Variants in MNAT1 observed in about 807,000 individuals in gnomAD.
MNAT1 encodes the protein CDK-activating kinase assembly factor MAT1.
A neutral mutation model predicts 42.0 loss-of-function variants in MNAT1; 43 were observed. That is an observed-to-expected ratio of 1.02 (90% CI 0.80 to 1.32). The LOEUF is 1.32. MNAT1 is among the 40% of genes most tolerant of loss of function. The probability of loss-of-function intolerance (pLI) is 0.00; values close to 1 mark genes in which losing one functional copy is unlikely to be tolerated. For missense variants in MNAT1, 306 were observed against 350.4 expected, an observed-to-expected ratio of 0.87 and a Z score of 1.01; for synonymous variants, 118 against 120.0, an observed-to-expected ratio of 0.98 and a Z score of 0.11.
In MNAT1 at chr14:60,747,993, G is replaced by A. The variant is rs556128342; in HGVS notation, c.89+13042G>A. ...CGGCGGATCATGAGGTCAGGAGATC[G>A]AGACCATCCTGGCTAACACAGTGAA... On this transcript the variant is annotated intron_variant, in intron 1 of 7. Coordinates refer to ENST00000261245, the MANE Select transcript of MNAT1 (RefSeq NM_002431.4). Among the ~76,000 whole-genome samples, 10 of 152,104 alleles carry A rather than the reference G, an allele frequency of 6.6e-5. No homozygotes were observed. The South Asian group carries it at 2.1e-3, about 32-fold the overall frequency.
chr14:60,825,529 C>T (rs2033030439), intron 6 of MNAT1, among the ~76,000 whole-genome samples: 1 of 152,148 alleles, frequency 6.6e-6, no homozygotes, highest in Admixed American at 6.5e-5. Context: ...AGAATACAGA[C>T]ATTACTTAAG....
chr14:60,953,302 T>C (rs992130100), intron 7 of MNAT1, among the ~76,000 whole-genome samples: 1 of 152,200 alleles, frequency 6.6e-6, no homozygotes, highest in African/African-American at 2.4e-5. Context: ...CTTGGGTTAC[T>C]CTATTACCCT....
intron 1 of MNAT1, among the ~76,000 whole-genome samples, chr14:60,767,712 TG>T (rs2030886162): frequency 6.6e-6 from 1 of 152,188 alleles, no homozygotes; most frequent in African/African-American, 2.4e-5. Context: ...GTGATTCTTC[TG>T]CCTCAGCCTC....
intron 4 of MNAT1, among the ~76,000 whole-genome samples, chr14:60,811,298 CTTTTTTTTTT>C (rs569520885): frequency 2.5e-5 from 2 of 80,322 alleles, no homozygotes; most frequent in South Asian, 8.9e-4. Flanking sequence ...TCTATTCTTT[CTTTTTTTTTT>C]TTTTTTTTTT....
At chr14:60,893,322 A>G (rs1048780898) in intron 7 of MNAT1, among the ~76,000 whole-genome samples, 2 of 151,896 alleles carry the variant, frequency 1.3e-5, no homozygotes, top group African/African-American at 4.8e-5. Context: ...TAAATTCCCT[A>G]CCTGTTCATA....
At chr14:60,825,226 C>G (rs1475358775) in intron 6 of MNAT1, among the ~76,000 whole-genome samples, 1 of 152,134 alleles carries the variant, frequency 6.6e-6, no homozygotes, top group African/African-American at 2.4e-5. Context: ...ACTAAATACC[C>G]ACTAGAATGG....
intron 7 of MNAT1, among the ~76,000 whole-genome samples, chr14:60,958,443 TTC>T (rs1013840882): frequency 1.2e-4 from 18 of 152,128 alleles, no homozygotes; most frequent in African/African-American, 3.4e-4. Context: ...GCTTTAAAAA[TTC>T]TCTGTCTTTG....
At chr14:60,900,661 CAATGT>C (rs1460237348) in intron 7 of MNAT1, among the ~76,000 whole-genome samples, 1 of 152,090 alleles carries the variant, frequency 6.6e-6, no homozygotes, top group African/African-American at 2.4e-5. Context: ...ACAGATTTTT[CAATGT>C]AGATGAAACA....
chr14:60,808,256 G>A, intron 3 of MNAT1, 69 bp from the exon 4 acceptor site: 1 of 969,830 alleles, frequency 1.0e-6, no homozygotes, highest in South Asian at 1.7e-5. Context: ...TGTGGTATTT[G>A]TTTTTTATTG....
chr14:60,903,996 C>T (rs909052477), intron 7 of MNAT1, among the ~76,000 whole-genome samples: 17 of 151,794 alleles, frequency 1.1e-4, no homozygotes, highest in Non-Finnish European at 1.6e-4. Context: ...CTCAGCCTCC[C>T]GAGTAGCGGG....
intron 1 of MNAT1, among the ~76,000 whole-genome samples, chr14:60,783,211 G>T (rs2031527326): frequency 6.6e-6 from 1 of 152,212 alleles, no homozygotes; most frequent in African/African-American, 2.4e-5. Flanking sequence ...GAGATCTCCT[G>T]GTTCTGAAGC....
intron 7 of MNAT1, among the ~76,000 whole-genome samples, chr14:60,908,442 G>C (rs773205349): frequency 3.3e-5 from 5 of 151,940 alleles, no homozygotes; most frequent in Non-Finnish European, 5.9e-5. Context: ...TTTAACATTA[G>C]GTATATCTTC....
intron 1 of MNAT1, among the ~76,000 whole-genome samples, chr14:60,749,497 A>G (rs1594721689): frequency 6.6e-6 from 1 of 152,142 alleles, no homozygotes; most frequent in East Asian, 1.9e-4. Context: ...TTCGCTACTT[A>G]TTATTAGCTA....
At chr14:60,917,632 G>GTT (rs1173777464) in intron 7 of MNAT1, among the ~76,000 whole-genome samples, 8 of 142,398 alleles carry the variant, frequency 5.6e-5, no homozygotes, top group African/African-American at 1.5e-4. Context: ...TTTCTTTTTT[G>GTT]TTTTTTTTTT....
At chr14:60,739,202 G>A (rs1409075871) in intron 1 of MNAT1, among the ~76,000 whole-genome samples, 1 of 152,218 alleles carries the variant, frequency 6.6e-6, no homozygotes, top group African/African-American at 2.4e-5. Context: ...AAGAGAGAAA[G>A]GGAGGGAGGA....
At chr14:60,817,513 A>G (rs749286682) in intron 5 of MNAT1, among the ~76,000 whole-genome samples, 12 of 152,010 alleles carry the variant, frequency 7.9e-5, no homozygotes, top group Admixed American at 3.9e-4. Context: ...AAACACTTCT[A>G]TTATAAAATC....
At chr14:60,794,560 G>A (rs2031939689) in intron 1 of MNAT1, among the ~76,000 whole-genome samples, 1 of 147,552 alleles carries the variant, frequency 6.8e-6, no homozygotes. Context: ...CAGCTACTGA[G>A]GAGCCTGATG....
intron 7 of MNAT1, among the ~76,000 whole-genome samples, chr14:60,957,901 G>C (rs1211000076): frequency 6.6e-6 from 1 of 151,834 alleles, no homozygotes; most frequent in Non-Finnish European, 1.5e-5. Flanking sequence ...GCAGTGGCAC[G>C]ATCTCAGCTC....
At position 60,784,096 on chromosome 14, in the gene MNAT1, T is replaced by G. The variant is rs955063189; in HGVS notation, c.90-12121T>G. 4.0e-5 allele frequency among the ~76,000 whole-genome samples: 6 copies of G among 150,004 alleles called. No homozygotes were observed. In the Admixed American group the frequency reaches 4.0e-4, roughly 10 times the overall value. Reference sequence around the variant, plus strand: ...ATCTCGGCTCACTGCAACCTCCGCCTCCGCCTCCTGGGTTCAAGCCGTTCT... The same window carrying G: ...ATCTCGGCTCACTGCAACCTCCGCCGCCGCCTCCTGGGTTCAAGCCGTTCT... On this transcript the variant is annotated intron_variant, in intron 1 of 7. Transcript: ENST00000261245.
Sources: gnomAD v4.1 joint callset for allele counts (sites outside exome capture counted in the v4.1 genomes callset) on GRCh38, gnomAD v4.1.1 for gene constraint, MANE v1.5 for transcripts, NCBI Gene and HGNC (gene_info 2026-07-23, HGNC 2026-07-21) for gene names.